SLC24A2: variants seen among roughly 807,000 people sequenced by gnomAD.
SLC24A2 encodes sodium/potassium/calcium exchanger 2.
A neutral mutation model predicts 62.0 loss-of-function variants in SLC24A2; 36 were observed. That is an observed-to-expected ratio of 0.58 (90% CI 0.44 to 0.77). SLC24A2 has a LOEUF of 0.77. SLC24A2 is among the 30% of genes least tolerant of loss of function. The probability of loss-of-function intolerance (pLI) is 0.00; values close to 1 mark genes in which losing one functional copy is unlikely to be tolerated. For synonymous variants in SLC24A2, 358 were observed against 294.0 expected (o/e 1.22, Z -2.23); for missense variants, 846 against 817.9 (o/e 1.03, Z -0.42).
chr9:19,792,346 G>A (rs1004533689), upstream of SLC24A2, among the ~76,000 whole-genome samples: 15 of 151,982 alleles, frequency 9.9e-5, no homozygotes, highest in African/African-American at 3.6e-4. Context: ...TTGACATTCA[G>A]TCTCAAGGGA....
chr9:19,728,199 G>T (rs1821228874), intron 2 of SLC24A2, among the ~76,000 whole-genome samples: 1 of 152,006 alleles, frequency 6.6e-6, no homozygotes, highest in African/African-American at 2.4e-5. Flanking sequence ...CAGGACCAAG[G>T]CGTACAGTTC....
intron 5 of SLC24A2, among the ~76,000 whole-genome samples, chr9:19,594,374 C>T (rs759623181): frequency 6.6e-6 from 1 of 152,270 alleles, no homozygotes; most frequent in South Asian, 2.1e-4. Context: ...ATATGTAGCA[C>T]AATTCTCTAT....
chr9:20,142,193 G>T, the SLC24A2 span, among the ~76,000 whole-genome samples: 10 of 152,022 alleles, frequency 6.6e-5, no homozygotes, highest in East Asian at 3.9e-4. Flanking sequence ...CAGATTAAAG[G>T]CTCTTCGAAG....
At chr9:20,054,329 T>C in the SLC24A2 span, among the ~76,000 whole-genome samples, 1 of 152,002 alleles carries the variant, frequency 6.6e-6, no homozygotes, top group South Asian at 2.1e-4. Context: ...GTAGCTGGGA[T>C]TGCAGGCACC....
chr9:20,021,145 G>A, the SLC24A2 span, among the ~76,000 whole-genome samples: 2 of 152,070 alleles, frequency 1.3e-5, no homozygotes, highest in South Asian at 2.1e-4. Flanking sequence ...TTCACATTAA[G>A]TAACTGTTTT....
chr9:20,234,448 C>A, the SLC24A2 span, among the ~76,000 whole-genome samples: 2 of 151,954 alleles, frequency 1.3e-5, no homozygotes, highest in East Asian at 3.9e-4. Context: ...TTTTCTCTAA[C>A]CTTCTCTTCA....
At chr9:20,306,419 T>C in the SLC24A2 span, among the ~76,000 whole-genome samples, 32 of 152,400 alleles carry the variant, frequency 2.1e-4, no homozygotes, top group African/African-American at 7.2e-4. Flanking sequence ...AGCCTTTATA[T>C]AGCTGTCTTG....
the SLC24A2 span, among the ~76,000 whole-genome samples, chr9:20,248,933 C>T: frequency 6.6e-6 from 1 of 152,292 alleles, no homozygotes; most frequent in African/African-American, 2.4e-5. Flanking sequence ...GTCCTGGTCT[C>T]CCTTTCTCCC....
At chr9:20,209,142 T>A in the SLC24A2 span, among the ~76,000 whole-genome samples, 1 of 152,366 alleles carries the variant, frequency 6.6e-6, no homozygotes, top group African/African-American at 2.4e-5. Flanking sequence ...AAATGTTACC[T>A]ATTACTATTA....
Position 19,510,986 on chromosome 9 carries a change from C to T in SLC24A2, c.*5167G>A, listed in dbSNP as rs1832694720. ...GTGGTTCTGAGCAAGGCTGGTGCCC[C>T]ATGTGTGAGGAAGGCATGCAAAATG... On this transcript the variant is annotated 3_prime_UTR_variant, in exon 11 of 11. Transcript: ENST00000341998. 1.3e-5 allele frequency: 2 copies of T among 152,138 alleles called. No individual in the cohort carries two copies. The highest frequency in any genetic ancestry group is 4.8e-5 in the African/African-American group (2 of 41,396). The allele number at this position is 152,138 out of a possible 1,614,324, so 9.4% of individuals were successfully genotyped here.
the SLC24A2 span, among the ~76,000 whole-genome samples, chr9:20,217,071 C>T: frequency 2.0e-5 from 3 of 152,072 alleles, no homozygotes; most frequent in Non-Finnish European, 2.9e-5. Context: ...CAATGCAATG[C>T]CCATCACCAA....
chr9:19,732,964 A>G (rs1158296755), intron 2 of SLC24A2, among the ~76,000 whole-genome samples: 1 of 152,196 alleles, frequency 6.6e-6, no homozygotes, highest in Non-Finnish European at 1.5e-5. Flanking sequence ...TTCATAAATG[A>G]GTAATAGCTA....
chr9:19,974,352 GAT>G, the SLC24A2 span, among the ~76,000 whole-genome samples: 1 of 152,088 alleles, frequency 6.6e-6, no homozygotes, highest in East Asian at 1.9e-4. Context: ...AAATATCTAT[GAT>G]AGACAATTTT....
At chr9:20,007,277 G>A in the SLC24A2 span, among the ~76,000 whole-genome samples, 23 of 152,288 alleles carry the variant, frequency 1.5e-4, 1 homozygote, top group East Asian at 2.7e-3. Flanking sequence ...CATCTTCTGT[G>A]CCAACAGTGA....
the SLC24A2 span, among the ~76,000 whole-genome samples, chr9:20,095,885 A>G: frequency 6.6e-6 from 1 of 152,298 alleles, no homozygotes; most frequent in South Asian, 2.1e-4. Context: ...ATCGAGCAAA[A>G]GGGGAAACCC....
the SLC24A2 span, among the ~76,000 whole-genome samples, chr9:20,276,712 A>G: frequency 6.6e-6 from 1 of 152,222 alleles, no homozygotes; most frequent in Non-Finnish European, 1.5e-5. Flanking sequence ...ACCTCTGCCT[A>G]GACATCCAGG....
intron 2 of SLC24A2, among the ~76,000 whole-genome samples, chr9:19,671,142 C>G (rs1043898541): frequency 1.2e-5 from 1 of 86,342 alleles, no homozygotes; most frequent in South Asian, 5.0e-4. Context: ...CTTTTGGCAG[C>G]ATGGTCATTT....
chr9:19,909,522 A>T, the SLC24A2 span, among the ~76,000 whole-genome samples: 1 of 152,160 alleles, frequency 6.6e-6, no homozygotes, highest in African/African-American at 2.4e-5. Context: ...ATACAATTTT[A>T]ATAAGGGAAA....
chr9:20,163,626 A>G, the SLC24A2 span, among the ~76,000 whole-genome samples: 1 of 152,122 alleles, frequency 6.6e-6, no homozygotes, highest in African/African-American at 2.4e-5. Context: ...AATTGGAAAA[A>G]ACTACTTTAA....
Sources: gnomAD v4.1 joint callset for allele counts (sites outside exome capture counted in the v4.1 genomes callset) on GRCh38, gnomAD v4.1.1 for gene constraint, MANE v1.5 for transcripts, NCBI Gene and HGNC (gene_info 2026-07-23, HGNC 2026-07-21) for gene names.